The following KANSL1 variants were observed in gnomAD, a reference collection of about 807,000 sequenced individuals.
KANSL1 encodes the protein MLL1/MLL complex subunit KANSL1.
A neutral mutation model predicts 103.6 loss-of-function variants in KANSL1; 22 were observed. The ratio of observed to expected loss-of-function variants is 0.21; its 90% CI spans 0.15 to 0.30. The LOEUF (loss-of-function observed/expected upper bound fraction) is 0.30, where lower values mean the gene tolerates loss of function less well. Among genes scored for constraint, KANSL1 ranks in the 10% least tolerant of loss-of-function variants. The probability of loss-of-function intolerance (pLI) is 1.00; values close to 1 mark genes in which losing one functional copy is unlikely to be tolerated. For missense variants in KANSL1, 1,337 were observed against 1,399.8 expected (o/e 0.96, Z 0.72); for synonymous variants, 600 against 527.6 (o/e 1.14, Z -1.88).
chr17:46,088,745 T>G (rs1198384729), intron 3 of KANSL1: 1 of 152,282 alleles, frequency 6.6e-6, no homozygotes, highest in Admixed American at 6.6e-5. Flanking sequence ...TAGCTAAGCA[T>G]GGTGGGACTT....
intron 1 of KANSL1, among the ~76,000 whole-genome samples, chr17:46,176,002 A>T (rs1348194923): frequency 6.6e-6 from 1 of 152,244 alleles, no homozygotes; most frequent in Non-Finnish European, 1.5e-5. Context: ...ACAAACGAAA[A>T]TCACTACCAG....
At chr17:46,048,858 A>C (rs1477528296) in intron 7 of KANSL1, among the ~76,000 whole-genome samples, 1 of 152,198 alleles carries the variant, frequency 6.6e-6, no homozygotes, top group Non-Finnish European at 1.5e-5. Flanking sequence ...GCATGTAAAT[A>C]TATTTAGCTT....
chr17:46,088,398 T>G (rs2146886344), intron 3 of KANSL1: 1 of 152,362 alleles, frequency 6.6e-6, no homozygotes, highest in Non-Finnish European at 1.5e-5. Context: ...CTAAAGTGCT[T>G]TAAAAAACCC....
chr17:46,055,321 CGGGCATGGTGGCG>C (rs958015243), intron 6 of KANSL1, among the ~76,000 whole-genome samples: 11 of 151,572 alleles, frequency 7.3e-5, no homozygotes, highest in African/African-American at 2.4e-4. Flanking sequence ...AAAAATTAGC[CGGGCATGGTGGCG>C]GGCGCCTGTA....
chr17:46,055,427 T>G (rs1309087800), intron 6 of KANSL1, among the ~76,000 whole-genome samples: 1 of 148,816 alleles, frequency 6.7e-6, no homozygotes, highest in African/African-American at 2.5e-5. Flanking sequence ...ATCGCACCAC[T>G]GCACTCCAGC....
At chr17:46,211,142 A>G (rs2048155563) in intron 1 of KANSL1, among the ~76,000 whole-genome samples, 1 of 151,812 alleles carries the variant, frequency 6.6e-6, no homozygotes. Flanking sequence ...TCTAAGCTAT[A>G]CTTAAAAGAC....
At chr17:46,089,661 T>C (rs1376387865) in intron 3 of KANSL1, among the ~76,000 whole-genome samples, 5 of 150,014 alleles carry the variant, frequency 3.3e-5, no homozygotes, top group Non-Finnish European at 5.9e-5. Flanking sequence ...CCAAAACACA[T>C]AGGAAAAACT....
At chr17:46,070,914 TGTC>T (rs1377016945) in intron 4 of KANSL1, among the ~76,000 whole-genome samples, 2 of 152,178 alleles carry the variant, frequency 1.3e-5, no homozygotes, top group Admixed American at 6.5e-5. Flanking sequence ...CAAGAACACT[TGTC>T]AAGATAAAAT....
At chr17:46,108,208 A>G (rs2042654032) in intron 2 of KANSL1, among the ~76,000 whole-genome samples, 1 of 152,206 alleles carries the variant, frequency 6.6e-6, no homozygotes, top group South Asian at 2.1e-4. Context: ...TCAAACAGAG[A>G]GCCTCTATCA....
intron 6 of KANSL1, 69 bp from the exon 7 acceptor site, chr17:46,050,773 C>T (rs2077685597): frequency 1.3e-5 from 18 of 1,437,198 alleles, no homozygotes; most frequent in Non-Finnish European, 1.7e-5. Flanking sequence ...ATTTGTTATC[C>T]CCATTTGTTA....
At position 46,044,530 on chromosome 17, in the gene KANSL1, G is replaced by A. The variant is rs1349789997; in HGVS notation, c.2021-4646C>T. The A allele has an allele frequency of 2.0e-5, 3 of 152,190 alleles. No homozygotes were observed. In the East Asian group the frequency reaches 5.8e-4, roughly 29 times the overall value. 9.4% of individuals were successfully genotyped at this position (152,190 alleles called of 1,614,324 possible). On this transcript the variant is annotated intron_variant, in intron 7 of 14. Coordinates refer to ENST00000432791, the MANE Select transcript of KANSL1 (RefSeq NM_015443.4). ...ATACCACAGATCTTCATGGCCAGCA[G>A]GTGGTGCTCTTATTAAGCCCCTTTT...
At chr17:46,182,520 A>C (rs2046839593) in intron 1 of KANSL1, among the ~76,000 whole-genome samples, 1 of 152,272 alleles carries the variant, frequency 6.6e-6, no homozygotes, top group Non-Finnish European at 1.5e-5. Flanking sequence ...CCACAAGACC[A>C]TTATCAATTT....
intron 1 of KANSL1, among the ~76,000 whole-genome samples, chr17:46,218,782 CAA>C (rs34293999): frequency 1.4e-5 from 2 of 138,160 alleles, no homozygotes; most frequent in Non-Finnish European, 1.5e-5. Context: ...GACTCCATCT[CAA>C]AAAAAAAAAA....
intron 2 of KANSL1, among the ~76,000 whole-genome samples, chr17:46,107,593 T>A (rs984423229): frequency 4.6e-5 from 7 of 152,260 alleles, no homozygotes; most frequent in African/African-American, 4.8e-5. Context: ...ATACTTCCTT[T>A]CTAGGTGATC....
upstream of KANSL1, among the ~76,000 whole-genome samples, chr17:46,197,959 T>A (rs2047668418): frequency 6.6e-6 from 1 of 152,222 alleles, no homozygotes; most frequent in Non-Finnish European, 1.5e-5. Flanking sequence ...AATGAATAAC[T>A]TTTTTTGCAC....
rs149145243 is a variant in KANSL1 at position 46,107,732 on chromosome 17, T to C, written c.1290-13031A>G. On this transcript the variant is annotated intron_variant, in intron 2 of 14. Transcript: ENST00000432791. Reference sequence around the variant, plus strand: ...TGCCTACTCAACACTTCTATTTGAATGTCTAAAAAGTGTCTCAAACTTTAC... The same window carrying C: ...TGCCTACTCAACACTTCTATTTGAACGTCTAAAAAGTGTCTCAAACTTTAC... Among the ~76,000 whole-genome samples the C allele has an allele frequency of 3.8e-3, 576 of 152,284 alleles. 3 individuals are homozygous for C. The highest frequency in any genetic ancestry group is 0.012 in the African/African-American group (495 of 41,534).
At chr17:46,069,637 C>T (rs961086117) in intron 4 of KANSL1, among the ~76,000 whole-genome samples, 3 of 151,860 alleles carry the variant, frequency 2.0e-5, no homozygotes, top group East Asian at 1.9e-4. Context: ...CCAGCTCCTC[C>T]GGGAGGCTGA....
intron 2 of KANSL1, among the ~76,000 whole-genome samples, chr17:46,154,975 TTA>T (rs1162021487): frequency 1.3e-5 from 2 of 152,280 alleles, no homozygotes; most frequent in East Asian, 3.9e-4. Flanking sequence ...TCTCTCAATT[TTA>T]GTTTCCTTAC....
chr17:46,035,949 G>A (rs944339106), intron 10 of KANSL1: 2 of 151,124 alleles, frequency 1.3e-5, no homozygotes, highest in African/African-American at 4.9e-5. Flanking sequence ...TAGAGCCAGA[G>A]ATAGAGAGCA....
Sources: allele counts gnomAD v4.1 joint callset (sites outside exome capture counted in the v4.1 genomes callset), GRCh38; gene constraint gnomAD v4.1.1; transcripts MANE v1.5; gene names NCBI Gene and HGNC (gene_info 2026-07-23, HGNC 2026-07-21).